Variants in SGCD observed in about 807,000 individuals in gnomAD.
SGCD encodes sarcoglycan delta, also known as delta-sarcoglycan.
In SGCD, 18 loss-of-function variants were observed where a neutral mutation model predicts 36.6. The ratio of observed to expected loss-of-function variants is 0.49; its 90% CI spans 0.34 to 0.73. SGCD has a LOEUF of 0.73. Among genes scored for constraint, SGCD ranks in the 30% least tolerant of loss-of-function variants. SGCD has a pLI of 0.01. For missense variants in SGCD, 387 were observed against 346.7 expected (o/e 1.12, Z -0.92); for synonymous variants, 133 against 130.6 (o/e 1.02, Z -0.12).
intron 4 of SGCD, among the ~76,000 whole-genome samples, chr5:156,573,986 C>T (rs1759825588): frequency 6.6e-6 from 1 of 152,166 alleles, no homozygotes; most frequent in Non-Finnish European, 1.5e-5. Flanking sequence ...AGCCACTGCA[C>T]CCATCCCCAT....
the SGCD span, among the ~76,000 whole-genome samples, chr5:155,751,464 C>T: frequency 7.2e-5 from 11 of 152,056 alleles, no homozygotes; most frequent in African/African-American, 2.2e-4. Context: ...CGGCTCACTC[C>T]GGCCTTGATG....
the SGCD span, among the ~76,000 whole-genome samples, chr5:155,864,972 A>G: frequency 2.0e-5 from 3 of 152,162 alleles, no homozygotes; most frequent in Non-Finnish European, 4.4e-5. Flanking sequence ...TTAACCTTCA[A>G]AACAACTCTG....
chr5:155,967,891 T>A (rs1419705471), intron 1 of SGCD, among the ~76,000 whole-genome samples: 3 of 152,084 alleles, frequency 2.0e-5, no homozygotes, highest in African/African-American at 4.8e-5. Context: ...TTCCTCATAA[T>A]TGAACATCGT....
rs372967785 is a variant in SGCD at position 156,647,453 on chromosome 5, T to G, written c.503-11T>G. 24 of 1,568,562 alleles carry G rather than the reference T, an allele frequency of 1.5e-5. No homozygotes were observed. Among genetic ancestry groups the G allele is most frequent in the Non-Finnish European group, 2.1e-5 (24 of 1,153,102 alleles). On this transcript the variant is annotated splice_polypyrimidine_tract_variant and intron_variant, in intron 6 of 8. Coordinates refer to ENST00000337851, the MANE Select transcript of SGCD (RefSeq NM_000337.6). ...CTCCAATCTCTGTTTGCTTTTCTGT[T>G]TTGTTTACAGGAGCGGAGGGCACAG... is the stretch of plus-strand genomic sequence containing the variant.
chr5:156,575,729 G>A (rs1759914880), intron 4 of SGCD, among the ~76,000 whole-genome samples: 1 of 151,358 alleles, frequency 6.6e-6, no homozygotes, highest in South Asian at 2.1e-4. Context: ...CCTAAAATGG[G>A]TCCCATTAAC....
At chr5:156,688,812 A>G (rs528607456) in intron 7 of SGCD, among the ~76,000 whole-genome samples, 1 of 152,388 alleles carries the variant, frequency 6.6e-6, no homozygotes, top group East Asian at 1.9e-4. Context: ...TAGATGCTGG[A>G]CAGCCAAAAA....
In SGCD at chr5:156,080,949, C is replaced by T. The variant is rs78538284; in HGVS notation, c.-281-36929C>T. Reference sequence around the variant, plus strand: ...ACTATTTTAATAGCAATACCATACTCCTGGTACCAATTTTATGTGTTAGGC... The same window carrying T: ...ACTATTTTAATAGCAATACCATACTTCTGGTACCAATTTTATGTGTTAGGC... On this transcript the variant is annotated intron_variant, in intron 1 of 9. Coordinates refer to the SGCD transcript ENST00000517913. Among the ~76,000 whole-genome samples the T allele has an allele frequency of 5.5e-3, 836 of 152,280 alleles. 6 individuals carry two copies. Among genetic ancestry groups the T allele is most frequent in the African/African-American group, 0.019 (804 of 41,546 alleles).
chr5:156,412,085 A>G (rs938116871), intron 3 of SGCD, among the ~76,000 whole-genome samples: 2 of 152,230 alleles, frequency 1.3e-5, no homozygotes, highest in Non-Finnish European at 2.9e-5. Context: ...GTGGACCTTG[A>G]TAGAATGTTT....
chr5:156,030,924 G>A (rs552249241), intron 1 of SGCD, among the ~76,000 whole-genome samples: 221 of 152,324 alleles, frequency 1.5e-3, no homozygotes, highest in African/African-American at 5.2e-3. Context: ...ACTAGGGCAT[G>A]TTTTTGAGTG....
chr5:156,520,078 C>T (rs575094039), intron 4 of SGCD, among the ~76,000 whole-genome samples: 4 of 152,276 alleles, frequency 2.6e-5, no homozygotes, highest in African/African-American at 9.6e-5. Flanking sequence ...GTCAAACTAT[C>T]TTTGTTTGCA....
At chr5:156,318,508 G>T (rs964570896) in intron 3 of SGCD, among the ~76,000 whole-genome samples, 11 of 151,790 alleles carry the variant, frequency 7.2e-5, no homozygotes, top group African/African-American at 2.7e-4. Flanking sequence ...GAGTTCATTG[G>T]CTAAGACTCC....
At chr5:156,163,307 TGA>T (rs1763127559) in intron 3 of SGCD, among the ~76,000 whole-genome samples, 4 of 151,394 alleles carry the variant, frequency 2.6e-5, no homozygotes, top group African/African-American at 9.8e-5. Context: ...CATGTAGGAG[TGA>T]GAGTCAAGTT....
intron 3 of SGCD, among the ~76,000 whole-genome samples, chr5:156,496,234 G>T (rs1305299257): frequency 6.6e-6 from 1 of 152,082 alleles, no homozygotes; most frequent in Non-Finnish European, 1.5e-5. Context: ...AATAGGACAG[G>T]TTTGTCTGTG....
chr5:156,551,905 G>A (rs1214932408), intron 4 of SGCD, among the ~76,000 whole-genome samples: 1 of 152,070 alleles, frequency 6.6e-6, no homozygotes, highest in Non-Finnish European at 1.5e-5. Context: ...TTACAAAAAG[G>A]TCATCTCCTC....
At chr5:155,833,822 T>C in the SGCD span, among the ~76,000 whole-genome samples, 2 of 152,242 alleles carry the variant, frequency 1.3e-5, no homozygotes, top group African/African-American at 4.8e-5. Flanking sequence ...TCACTGTCTC[T>C]TTCTAATAAT....
chr5:156,190,337 T>C (rs995558142), intron 3 of SGCD, among the ~76,000 whole-genome samples: 1 of 152,124 alleles, frequency 6.6e-6, no homozygotes, highest in African/African-American at 2.4e-5. Flanking sequence ...CCATCTACCA[T>C]GTATTTCAGA....
At chr5:156,187,183 C>T (rs1237010063) in intron 3 of SGCD, among the ~76,000 whole-genome samples, 1 of 151,990 alleles carries the variant, frequency 6.6e-6, no homozygotes, top group African/African-American at 2.4e-5. Context: ...AGTTAAATGA[C>T]CACAGCAGAG....
At chr5:155,832,716 TTGAG>T in the SGCD span, among the ~76,000 whole-genome samples, 19,767 of 152,058 alleles carry the variant, frequency 0.13, 1,348 homozygotes, top group South Asian at 0.24. Flanking sequence ...AAAAAAATTG[TTGAG>T]TGAGTGAGTG....
intron 3 of SGCD, among the ~76,000 whole-genome samples, chr5:156,507,817 T>C (rs1581094607): frequency 6.6e-6 from 1 of 152,230 alleles, no homozygotes; most frequent in African/African-American, 2.4e-5. Flanking sequence ...TAGTATTTTA[T>C]GTAGCAAACA....
Sources: gnomAD v4.1 joint callset for allele counts (sites outside exome capture counted in the v4.1 genomes callset) on GRCh38, gnomAD v4.1.1 for gene constraint, MANE v1.5 for transcripts, NCBI Gene and HGNC (gene_info 2026-07-23, HGNC 2026-07-21) for gene names.